Variants in NRXN3 observed in about 807,000 individuals in gnomAD.
NRXN3 encodes the protein neurexin 3.
Under a neutral mutation model 137.6 loss-of-function variants are expected in NRXN3, and 32 were observed. That is an observed-to-expected ratio of 0.23 (90% CI 0.18 to 0.31). NRXN3 has a LOEUF of 0.31. Ranked by LOEUF, NRXN3 falls within the 10% of genes least tolerant of loss-of-function variation. The pLI is 1.00. For synonymous variants in NRXN3, 798 were observed against 784.5 expected, an observed-to-expected ratio of 1.02 and a Z score of -0.29; for missense variants, 1,574 against 2,062.5, an observed-to-expected ratio of 0.76 and a Z score of 4.59.
intron 15 of NRXN3, among the ~76,000 whole-genome samples, chr14:79,008,083 A>T (rs1312294924): frequency 6.6e-6 from 1 of 152,106 alleles, no homozygotes; most frequent in East Asian, 1.9e-4. Context: ...AACTGTTTAG[A>T]TATCCACATA....
At chr14:78,484,522 T>C (rs1463810946) in intron 4 of NRXN3, among the ~76,000 whole-genome samples, 1 of 152,188 alleles carries the variant, frequency 6.6e-6, no homozygotes, top group Non-Finnish European at 1.5e-5. Context: ...TTTCTTTTTT[T>C]CTGGGGGAGA....
intron 15 of NRXN3, among the ~76,000 whole-genome samples, chr14:79,403,105 A>G (rs1324496955): frequency 1.3e-5 from 2 of 152,142 alleles, no homozygotes; most frequent in African/African-American, 2.4e-5. Flanking sequence ...TTGGAAAACC[A>G]TAGGCTATGG....
intron 15 of NRXN3, among the ~76,000 whole-genome samples, chr14:79,100,523 A>G (rs2152839884): frequency 6.6e-6 from 1 of 152,350 alleles, no homozygotes; most frequent in Middle Eastern, 3.4e-3. Flanking sequence ...GTGTCTAGAT[A>G]TTAGATCCTA....
At chr14:78,363,100 G>C (rs1403629768) in intron 4 of NRXN3, among the ~76,000 whole-genome samples, 1 of 152,210 alleles carries the variant, frequency 6.6e-6, no homozygotes, top group African/African-American at 2.4e-5. Flanking sequence ...GAGTCGGGAA[G>C]GTCATTCCTG....
chr14:78,450,446 C>A (rs1182435780), intron 4 of NRXN3, among the ~76,000 whole-genome samples: 1 of 152,156 alleles, frequency 6.6e-6, no homozygotes, highest in Non-Finnish European at 1.5e-5. Context: ...GTGCTCCAGT[C>A]TTCTCCAAGG....
chr14:78,739,564 C>G (rs189486091), intron 8 of NRXN3, among the ~76,000 whole-genome samples: 3 of 152,148 alleles, frequency 2.0e-5, no homozygotes, highest in Non-Finnish European at 4.4e-5. Flanking sequence ...CTCCGCCTCC[C>G]GGGTTCAAGC....
At chr14:79,011,190 G>C (rs1357050712) in intron 15 of NRXN3, among the ~76,000 whole-genome samples, 4 of 152,050 alleles carry the variant, frequency 2.6e-5, no homozygotes, top group Non-Finnish European at 5.9e-5. Context: ...TTAATTTTTA[G>C]CATAAATTTA....
intron 10 of NRXN3, among the ~76,000 whole-genome samples, chr14:78,878,855 C>T (rs941871439): frequency 8.6e-5 from 13 of 152,024 alleles, no homozygotes; most frequent in African/African-American, 2.7e-4. Flanking sequence ...TAATCCCACC[C>T]GCCTACACCA....
chr14:78,778,816 C>CTTTCTT (rs2098757816), intron 8 of NRXN3, among the ~76,000 whole-genome samples: 1 of 85,328 alleles, frequency 1.2e-5, no homozygotes, highest in Non-Finnish European at 2.5e-5. Flanking sequence ...TTCTTTCTTT[C>CTTTCTT]TTTCTTTTCC....
chr14:79,766,769 C>T, intron 19 of NRXN3, among the ~76,000 whole-genome samples: 1 of 152,114 alleles, frequency 6.6e-6, no homozygotes, highest in Non-Finnish European at 1.5e-5. Context: ...TAAAGCCAAG[C>T]TACAAAGGAC....
chr14:78,527,403 T>C (rs2096396524), intron 4 of NRXN3, among the ~76,000 whole-genome samples: 1 of 152,080 alleles, frequency 6.6e-6, no homozygotes, highest in South Asian at 2.1e-4. Context: ...AACCAGATCT[T>C]GTAAGAGCTC....
At chr14:78,273,629 G>A (rs2073125779) in intron 2 of NRXN3, among the ~76,000 whole-genome samples, 2 of 152,306 alleles carry the variant, frequency 1.3e-5, no homozygotes, top group Admixed American at 6.5e-5. Context: ...TGGAGGAGCA[G>A]CCTAGAGCCC....
chr14:78,707,852 G>T (rs189079975), intron 6 of NRXN3, among the ~76,000 whole-genome samples: 2 of 152,216 alleles, frequency 1.3e-5, no homozygotes, highest in Admixed American at 1.3e-4. Flanking sequence ...ATAGTTTCCA[G>T]TCTTATCCAG....
At chr14:79,776,995 C>G (rs1035336469) in intron 19 of NRXN3, among the ~76,000 whole-genome samples, 4 of 152,148 alleles carry the variant, frequency 2.6e-5, no homozygotes, top group African/African-American at 9.7e-5. Context: ...GGCTCCTTCT[C>G]CCTCTCTTTC....
chr14:79,675,910 G>A (rs1403120529), intron 17 of NRXN3, among the ~76,000 whole-genome samples: 1 of 152,040 alleles, frequency 6.6e-6, no homozygotes, highest in Non-Finnish European at 1.5e-5. Flanking sequence ...TAAAAAAATA[G>A]TGCTTACTTT....
At chr14:79,496,435 A>G (rs1601206998) in intron 16 of NRXN3, among the ~76,000 whole-genome samples, 2 of 152,278 alleles carry the variant, frequency 1.3e-5, no homozygotes, top group African/African-American at 4.8e-5. Flanking sequence ...TTCAGAGACC[A>G]AAAATACAGT....
At chr14:78,976,947 A>G (rs894913040) in intron 14 of NRXN3, among the ~76,000 whole-genome samples, 3 of 152,212 alleles carry the variant, frequency 2.0e-5, no homozygotes, top group Admixed American at 2.0e-4. Flanking sequence ...TTGTATCTCC[A>G]TTGTGACTAC....
intron 4 of NRXN3, among the ~76,000 whole-genome samples, chr14:78,406,342 C>A (rs2092480868): frequency 6.6e-6 from 1 of 152,148 alleles, no homozygotes; most frequent in African/African-American, 2.4e-5. Context: ...GTCCTCTGGA[C>A]CCTACCCCCC....
intron 15 of NRXN3, among the ~76,000 whole-genome samples, chr14:79,427,252 C>A (rs539984123): frequency 3.3e-5 from 5 of 152,254 alleles, no homozygotes; most frequent in South Asian, 2.1e-4. Context: ...CTCTAGTGTA[C>A]CAGATGAAAA....
Sources: allele counts gnomAD v4.1 joint callset (sites outside exome capture counted in the v4.1 genomes callset), GRCh38; gene constraint gnomAD v4.1.1; transcripts MANE v1.5; gene names NCBI Gene and HGNC (gene_info 2026-07-23, HGNC 2026-07-21).